The following FAM227B variants were observed in gnomAD, a reference collection of about 807,000 sequenced individuals.
The protein encoded by FAM227B is protein FAM227B.
FAM227B carries 88 observed loss-of-function variants against 73.8 expected under a neutral mutation model. The observed-to-expected ratio is 1.19, with a 90% CI of 1.00 to 1.42. The LOEUF is 1.42. Among genes scored for constraint, FAM227B ranks in the 40% most tolerant of loss-of-function variants. FAM227B has a pLI of 0.00. For synonymous variants in FAM227B, 210 were observed against 190.5 expected, an observed-to-expected ratio of 1.10 and a Z score of -0.84; for missense variants, 632 against 590.9, an observed-to-expected ratio of 1.07 and a Z score of -0.72.
intron 11 of FAM227B, among the ~76,000 whole-genome samples, chr15:49,458,351 A>G (rs2053504609): frequency 6.6e-6 from 1 of 152,062 alleles, no homozygotes; most frequent in African/African-American, 2.4e-5. Flanking sequence ...CTTGGCTTTG[A>G]GTCATCTTTA....
chr15:49,366,543 G>A (rs545706299), intron 13 of FAM227B: 18 of 1,563,436 alleles, frequency 1.2e-5, no homozygotes, highest in African/African-American at 2.7e-5. Context: ...GCTGACCAAT[G>A]GGGGTTATAA....
chr15:49,487,127 T>G (rs945227415), intron 11 of FAM227B: 9 of 151,916 alleles, frequency 5.9e-5, no homozygotes, highest in African/African-American at 2.2e-4. Flanking sequence ...GCAATGCACT[T>G]CATACACAAT....
At chr15:49,539,920 T>A (rs145213167) in intron 10 of FAM227B, among the ~76,000 whole-genome samples, 219 of 152,318 alleles carry the variant, frequency 1.4e-3, no homozygotes, top group African/African-American at 5.2e-3. Context: ...TGGACATGCA[T>A]GCTCCTGCAA....
At chr15:49,368,773 A>G (rs573130649) in intron 12 of FAM227B, among the ~76,000 whole-genome samples, 27 of 152,324 alleles carry the variant, frequency 1.8e-4, no homozygotes, top group Non-Finnish European at 3.1e-4. Flanking sequence ...TAAACATTCT[A>G]TCTTACTAAA....
At chr15:49,467,405 G>C (rs1339646982) in intron 11 of FAM227B, among the ~76,000 whole-genome samples, 2 of 152,000 alleles carry the variant, frequency 1.3e-5, no homozygotes, top group East Asian at 3.9e-4. Context: ...ATAAATTTAT[G>C]CATAGGTGTT....
At chr15:49,610,845 G>T (rs1006989831) in intron 3 of FAM227B, among the ~76,000 whole-genome samples, 3 of 152,150 alleles carry the variant, frequency 2.0e-5, no homozygotes, top group African/African-American at 7.2e-5. Context: ...AAGGAATATT[G>T]ATGTAACACC....
chr15:49,554,775 T>G (rs1435201207), intron 9 of FAM227B, among the ~76,000 whole-genome samples: 6 of 152,072 alleles, frequency 3.9e-5, no homozygotes, highest in South Asian at 2.1e-4. Flanking sequence ...CTGATTTTTG[T>G]TTTTTTATGA....
chr15:49,454,320 C>T (rs1206235608), intron 11 of FAM227B, among the ~76,000 whole-genome samples: 2 of 152,242 alleles, frequency 1.3e-5, no homozygotes, highest in East Asian at 3.9e-4. Flanking sequence ...CTCTTTTCCC[C>T]CTTTCCAGTT....
intron 13 of FAM227B, among the ~76,000 whole-genome samples, chr15:49,340,991 G>A (rs945645216): frequency 1.2e-4 from 19 of 152,310 alleles, no homozygotes; most frequent in Non-Finnish European, 2.1e-4. Flanking sequence ...TGGCTGGCCA[G>A]CTATCCCAGT....
chr15:49,350,096 TC>T (rs1253830970), intron 13 of FAM227B, among the ~76,000 whole-genome samples: 1 of 152,198 alleles, frequency 6.6e-6, no homozygotes, highest in Non-Finnish European at 1.5e-5. Context: ...CTTTCTGATA[TC>T]CCTAGGTGGT....
At chr15:49,410,894 A>G (rs973609494) in intron 11 of FAM227B, among the ~76,000 whole-genome samples, 4 of 151,780 alleles carry the variant, frequency 2.6e-5, no homozygotes, top group African/African-American at 9.7e-5. Flanking sequence ...TAGAAAATTA[A>G]TATAAGAATG....
intron 11 of FAM227B, among the ~76,000 whole-genome samples, chr15:49,468,001 T>C (rs926948541): frequency 6.6e-6 from 1 of 152,200 alleles, no homozygotes; most frequent in Non-Finnish European, 1.5e-5. Context: ...CAAATTCTGA[T>C]ATAGTTCTAA....
At chr15:49,411,242 A>C (rs990478761) in intron 11 of FAM227B, among the ~76,000 whole-genome samples, 2 of 152,074 alleles carry the variant, frequency 1.3e-5, no homozygotes, top group Non-Finnish European at 2.9e-5. Context: ...CAAGGAAGTG[A>C]AAAACAGAAA....
chr15:49,354,908 GCCT>G (rs1371454159), intron 13 of FAM227B, among the ~76,000 whole-genome samples: 1 of 152,022 alleles, frequency 6.6e-6, no homozygotes, highest in African/African-American at 2.4e-5. Flanking sequence ...CGGGCAGACT[GCCT>G]CCTCAAGTGG....
chr15:49,396,633 C>T (rs1266427022), intron 11 of FAM227B, among the ~76,000 whole-genome samples: 10 of 152,186 alleles, frequency 6.6e-5, no homozygotes, highest in East Asian at 3.9e-4. Context: ...GTTCTCCCAG[C>T]ACCCAGCTGG....
At chr15:49,478,034 G>C (rs2055519863) in intron 11 of FAM227B, among the ~76,000 whole-genome samples, 1 of 152,136 alleles carries the variant, frequency 6.6e-6, no homozygotes, top group Non-Finnish European at 1.5e-5. Flanking sequence ...CCCAGGTACT[G>C]AGCGTAGTAC....
At chr15:49,611,002 T>G (rs1257878244) in intron 3 of FAM227B, among the ~76,000 whole-genome samples, 2 of 152,176 alleles carry the variant, frequency 1.3e-5, no homozygotes, top group Non-Finnish European at 2.9e-5. Flanking sequence ...GGCTAGAATT[T>G]TTTTAATGTG....
intron 11 of FAM227B, among the ~76,000 whole-genome samples, chr15:49,493,514 T>C (rs917750659): frequency 6.6e-6 from 1 of 152,024 alleles, no homozygotes; most frequent in Non-Finnish European, 1.5e-5. Context: ...TACCCTGCTC[T>C]GCCATCAAGA....
At chr15:49,390,412 G>GA (rs143625770) in intron 11 of FAM227B, among the ~76,000 whole-genome samples, 2 of 151,844 alleles carry the variant, frequency 1.3e-5, no homozygotes, top group Admixed American at 1.3e-4. Flanking sequence ...GGATCCACAA[G>GA]AAAAAAATAC....
Sources: allele counts gnomAD v4.1 joint callset (sites outside exome capture counted in the v4.1 genomes callset), GRCh38; gene constraint gnomAD v4.1.1; transcripts MANE v1.5; gene names NCBI Gene and HGNC (gene_info 2026-07-23, HGNC 2026-07-21).